The following UBL3 variants were observed in gnomAD, a reference collection of about 807,000 sequenced individuals.
UBL3 encodes ubiquitin-like protein 3.
A neutral mutation model predicts 18.4 loss-of-function variants in UBL3; 6 were observed. The ratio of observed to expected loss-of-function variants is 0.33; its 90% CI spans 0.18 to 0.64. UBL3 has a LOEUF of 0.64. Among genes scored for constraint, UBL3 ranks in the 30% least tolerant of loss-of-function variants. The pLI, the probability that UBL3 is intolerant of heterozygous loss-of-function variation, is 0.76. For synonymous variants in UBL3, 49 were observed against 46.6 expected, an observed-to-expected ratio of 1.05 and a Z score of -0.21; for missense variants, 109 against 142.9, an observed-to-expected ratio of 0.76 and a Z score of 1.21.
chr13:29,823,526 A>C (rs1878534291), intron 1 of UBL3, among the ~76,000 whole-genome samples: 1 of 152,214 alleles, frequency 6.6e-6, no homozygotes, highest in South Asian at 2.1e-4. Context: ...ATACATAAAC[A>C]CTTCTCTTTA....
intron 1 of UBL3, among the ~76,000 whole-genome samples, chr13:29,822,048 G>A (rs1016543660): frequency 6.6e-6 from 1 of 152,120 alleles, no homozygotes; most frequent in African/African-American, 2.4e-5. Context: ...TACCACCACT[G>A]GAATATGCTG....
intron 1 of UBL3, among the ~76,000 whole-genome samples, chr13:29,805,474 G>A (rs1195431989): frequency 6.6e-6 from 1 of 152,140 alleles, no homozygotes; most frequent in Admixed American, 6.5e-5. Context: ...ATGAAAGCAT[G>A]GGCATCTCCA....
intron 1 of UBL3, among the ~76,000 whole-genome samples, chr13:29,780,670 A>G (rs958335319): frequency 1.3e-5 from 2 of 152,036 alleles, no homozygotes; most frequent in Non-Finnish European, 2.9e-5. Flanking sequence ...CTGTTTACTA[A>G]TAAGGTTGAG....
At chr13:29,799,741 A>T (rs555676462) in intron 1 of UBL3, among the ~76,000 whole-genome samples, 4 of 152,360 alleles carry the variant, frequency 2.6e-5, no homozygotes, top group African/African-American at 9.6e-5. Context: ...GTTGTTCTCC[A>T]TCACCTCACT....
At chr13:29,780,232 T>C (rs1397049687) in intron 1 of UBL3, among the ~76,000 whole-genome samples, 1 of 150,456 alleles carries the variant, frequency 6.6e-6, no homozygotes, top group Non-Finnish European at 1.5e-5. Context: ...CGGGCACCTG[T>C]AGTCCCAGCT....
chr13:29,809,916 A>G (rs962274735), intron 1 of UBL3, among the ~76,000 whole-genome samples: 1 of 152,146 alleles, frequency 6.6e-6, no homozygotes, highest in Non-Finnish European at 1.5e-5. Flanking sequence ...ATATTAATTT[A>G]TTTGTGTGGA....
intron 1 of UBL3, among the ~76,000 whole-genome samples, chr13:29,829,904 C>T (rs1878731439): frequency 6.6e-6 from 1 of 152,176 alleles, no homozygotes; most frequent in Non-Finnish European, 1.5e-5. Flanking sequence ...GGGAAAGTTA[C>T]TCTTCTAGCT....
intron 1 of UBL3, among the ~76,000 whole-genome samples, chr13:29,817,101 T>G (rs1358557864): frequency 6.6e-6 from 1 of 152,184 alleles, no homozygotes; most frequent in African/African-American, 2.4e-5. Flanking sequence ...GATTCCAAGT[T>G]TCAGTGCTAA....
At chr13:29,830,898 A>C (rs1412742532) in intron 1 of UBL3, among the ~76,000 whole-genome samples, 1 of 152,248 alleles carries the variant, frequency 6.6e-6, no homozygotes, top group Non-Finnish European at 1.5e-5. Flanking sequence ...AATACTTGAT[A>C]ATATATTGAG....
intron 1 of UBL3, among the ~76,000 whole-genome samples, chr13:29,795,785 A>C (rs990046766): frequency 1.4e-4 from 21 of 147,094 alleles, no homozygotes; most frequent in South Asian, 6.5e-4. Context: ...AAAGAGAGAG[A>C]GCCATGTGTG....
chr13:29,767,358 G>A (rs1876716842), intron 4 of UBL3, 51 bp from the exon 5 acceptor site: 1 of 1,603,684 alleles, frequency 6.2e-7, no homozygotes, highest in African/African-American at 1.3e-5. Flanking sequence ...GAACTGGAGG[G>A]GAAAATGGGC....
intron 1 of UBL3, among the ~76,000 whole-genome samples, chr13:29,838,024 T>C (rs1224320879): frequency 8.7e-5 from 13 of 149,988 alleles, no homozygotes; most frequent in African/African-American, 2.9e-4. Flanking sequence ...AAGCTTTATG[T>C]AGATTACAAA....
chr13:29,827,132 G>A (rs1233221485), intron 1 of UBL3, among the ~76,000 whole-genome samples: 2 of 152,196 alleles, frequency 1.3e-5, no homozygotes, highest in African/African-American at 2.4e-5. Flanking sequence ...GAATAAGTGC[G>A]ATGTGGTGCT....
At chr13:29,832,493 C>T (rs910949610) in intron 1 of UBL3, among the ~76,000 whole-genome samples, 3 of 152,192 alleles carry the variant, frequency 2.0e-5, no homozygotes, top group East Asian at 1.9e-4. Flanking sequence ...CCACCGCGCC[C>T]GGCTAATTTT....
intron 1 of UBL3, among the ~76,000 whole-genome samples, chr13:29,828,595 T>G (rs1051655927): frequency 2.0e-5 from 3 of 152,144 alleles, no homozygotes; most frequent in African/African-American, 4.8e-5. Flanking sequence ...TTTTCAAGGT[T>G]TTTAGCTTCT....
intron 1 of UBL3, among the ~76,000 whole-genome samples, chr13:29,788,205 G>T (rs1333675360): frequency 6.6e-6 from 1 of 152,068 alleles, no homozygotes; most frequent in Non-Finnish European, 1.5e-5. Flanking sequence ...ACACTTATTT[G>T]TCTTAGCCTT....
chr13:29,772,057 C>T lies in UBL3; in HGVS notation c.223+55G>A, dbSNP rs61947226. 5,116 of 1,429,894 alleles carry T rather than the reference C, an allele frequency of 3.6e-3. 19 individuals carry two copies. The highest frequency in any genetic ancestry group is 4.6e-3 in the Non-Finnish European group (4,776 of 1,036,846). The allele number at this position is 1,429,894 out of a possible 1,614,324, so 88.6% of individuals were successfully genotyped here. On this transcript the variant is annotated intron_variant, in intron 3 of 4. Transcript: ENST00000380680. ...CAAAGACATTAACATTTAAAACAAGCGAATCATGCTACCATGAGACAGACA... is the reference window on the plus strand; with the variant it reads ...CAAAGACATTAACATTTAAAACAAGTGAATCATGCTACCATGAGACAGACA...
chr13:29,836,173 A>G (rs777216839), intron 1 of UBL3, among the ~76,000 whole-genome samples: 13 of 152,142 alleles, frequency 8.5e-5, no homozygotes, highest in Non-Finnish European at 1.6e-4. Flanking sequence ...CTGAATATAA[A>G]GAATGAGGAA....
intron 1 of UBL3, among the ~76,000 whole-genome samples, chr13:29,828,464 G>A (rs1002996642): frequency 2.0e-5 from 3 of 152,042 alleles, no homozygotes; most frequent in African/African-American, 7.3e-5. Flanking sequence ...CCAGCTGATC[G>A]AATCGGCTAC....
Sources: gnomAD v4.1 joint callset for allele counts (sites outside exome capture counted in the v4.1 genomes callset) on GRCh38, gnomAD v4.1.1 for gene constraint, MANE v1.5 for transcripts, NCBI Gene and HGNC (gene_info 2026-07-23, HGNC 2026-07-21) for gene names.